LRP12: variants seen among roughly 807,000 people sequenced by gnomAD.
LRP12 encodes LDL receptor related protein 12.
A neutral mutation model predicts 66.0 loss-of-function variants in LRP12; 14 were observed. The ratio of observed to expected loss-of-function variants is 0.21; its 90% confidence interval spans 0.14 to 0.33. The LOEUF is 0.33. Ranked by LOEUF, LRP12 falls within the 10% of genes least tolerant of loss-of-function variation. The probability of loss-of-function intolerance (pLI) is 1.00; values close to 1 mark genes in which losing one functional copy is unlikely to be tolerated. For missense variants in LRP12, 889 were observed against 1,053.4 expected, an observed-to-expected ratio of 0.84 and a Z score of 2.16; for synonymous variants, 357 against 359.1, an observed-to-expected ratio of 0.99 and a Z score of 0.07.
At chr8:104,574,106 G>A (rs1374920061) in intron 1 of LRP12, among the ~76,000 whole-genome samples, 1 of 152,032 alleles carries the variant, frequency 6.6e-6, no homozygotes, top group African/African-American at 2.4e-5. Context: ...ATATAAATCT[G>A]ACCCTATGGT....
In LRP12 at chr8:104,583,056, A is replaced by G. The variant is rs1588513224; in HGVS notation, c.79+5763T>C. On this transcript the variant is annotated intron_variant, in intron 1 of 6. Coordinates refer to ENST00000276654, the MANE Select transcript of LRP12 (RefSeq NM_013437.5). ...CAACCTACACTCCTTTATCTCCACT[A>G]CTACTACCTTGGTCCAAGCTCCTGT... 4.6e-5 allele frequency among the ~76,000 whole-genome samples: 7 copies of G among 152,004 alleles called. No individual in the cohort carries two copies. In the South Asian group the frequency reaches 1.5e-3, roughly 32 times the overall value.
intron 2 of LRP12, among the ~76,000 whole-genome samples, chr8:104,526,364 G>A (rs1331607612): frequency 2.6e-5 from 4 of 151,692 alleles, no homozygotes; most frequent in Non-Finnish European, 4.4e-5. Context: ...AAAAGAGCCC[G>A]CATCGCCAAG....
Position 104,588,971 on chromosome 8 carries a change from C to CGCCGCCGCA in LRP12, c.-75_-74insTGCGGCGGC. The CGCCGCCGCA allele has an allele frequency of 2.1e-6, 1 of 476,176 alleles. No homozygotes were observed. Among genetic ancestry groups the CGCCGCCGCA allele is most frequent in the Non-Finnish European group, 3.1e-6 (1 of 318,272 alleles). 29.5% of individuals were successfully genotyped at this position (476,176 alleles called of 1,614,324 possible). ...AGAAGCTGGAGGTAGACGACGCCGA[C>CGCCGCCGCA]GCCGCCGCCGCCGCCGCCGCCGCCG... On this transcript the variant is annotated 5_prime_UTR_variant, in exon 1 of 7. Coordinates refer to ENST00000276654, the MANE Select transcript of LRP12 (RefSeq NM_013437.5).
chr8:104,571,631 C>CTA (rs1281955015), intron 1 of LRP12, among the ~76,000 whole-genome samples: 1 of 152,192 alleles, frequency 6.6e-6, no homozygotes, highest in Non-Finnish European at 1.5e-5. Context: ...CCATGCTGAA[C>CTA]TATGAGTCAA....
intron 2 of LRP12, among the ~76,000 whole-genome samples, chr8:104,514,095 C>T (rs1006692687): frequency 6.6e-6 from 1 of 152,134 alleles, no homozygotes; most frequent in Non-Finnish European, 1.5e-5. Flanking sequence ...TAAGTTAGGC[C>T]TCACAGAGAT....
At chr8:104,503,587 G>GT (rs1346700715) in intron 3 of LRP12, among the ~76,000 whole-genome samples, 3 of 151,916 alleles carry the variant, frequency 2.0e-5, no homozygotes, top group Non-Finnish European at 4.4e-5. Context: ...ATTTCTTGAT[G>GT]TTTTTTGGTT....
chr8:104,559,901 C>G (rs1811877147), intron 1 of LRP12, among the ~76,000 whole-genome samples: 1 of 152,088 alleles, frequency 6.6e-6, no homozygotes, highest in Admixed American at 6.5e-5. Context: ...TGTTGCTATA[C>G]TATGTACTTT....
chr8:104,572,236 C>T (rs1812090072), intron 1 of LRP12, among the ~76,000 whole-genome samples: 1 of 152,084 alleles, frequency 6.6e-6, no homozygotes, highest in African/African-American at 2.4e-5. Flanking sequence ...CAGTGGCTAT[C>T]ACAGATTATG....
At chr8:104,586,766 G>C (rs1812339245) in intron 1 of LRP12, among the ~76,000 whole-genome samples, 1 of 152,104 alleles carries the variant, frequency 6.6e-6, no homozygotes, top group South Asian at 2.1e-4. Flanking sequence ...GGATTTCTCA[G>C]TTCCAGGGTG....
intron 1 of LRP12, among the ~76,000 whole-genome samples, chr8:104,547,643 A>G (rs1174260660): frequency 1.6e-5 from 2 of 123,994 alleles, no homozygotes; most frequent in African/African-American, 6.4e-5. Flanking sequence ...AATATATATT[A>G]ATAATTAAAA....
intron 3 of LRP12, among the ~76,000 whole-genome samples, chr8:104,503,917 T>G (rs538568293): frequency 6.6e-6 from 1 of 152,298 alleles, no homozygotes; most frequent in Non-Finnish European, 1.5e-5. Context: ...ATAATTAACT[T>G]TGACATTAAA....
chr8:104,583,339 T>C (rs373365113), intron 1 of LRP12, among the ~76,000 whole-genome samples: 2 of 152,196 alleles, frequency 1.3e-5, no homozygotes, highest in Non-Finnish European at 2.9e-5. Context: ...GTGTTTTTAG[T>C]AATTTATCTG....
intron 1 of LRP12, among the ~76,000 whole-genome samples, chr8:104,547,806 T>C (rs1438561678): frequency 7.8e-6 from 1 of 128,202 alleles, no homozygotes; most frequent in East Asian, 2.2e-4. Context: ...ATATATTATA[T>C]ATAATTCTAT....
At chr8:104,547,600 A>T (rs1459167232) in intron 1 of LRP12, among the ~76,000 whole-genome samples, 1 of 118,776 alleles carries the variant, frequency 8.4e-6, no homozygotes, top group South Asian at 2.4e-4. Context: ...AATATATAAT[A>T]ATTATTAATA....
At chr8:104,520,642 T>C (rs1243682467) in intron 2 of LRP12, among the ~76,000 whole-genome samples, 2 of 152,052 alleles carry the variant, frequency 1.3e-5, no homozygotes, top group Non-Finnish European at 2.9e-5. Context: ...TATCATTTGC[T>C]TGGTTCTGGA....
intron 2 of LRP12, among the ~76,000 whole-genome samples, chr8:104,513,432 A>G (rs1449766994): frequency 6.6e-6 from 1 of 152,186 alleles, no homozygotes; most frequent in African/African-American, 2.4e-5. Flanking sequence ...TATTTCTGAT[A>G]GCTCAATGGG....
chr8:104,554,346 G>A (rs1348426958), intron 1 of LRP12, among the ~76,000 whole-genome samples: 1 of 152,060 alleles, frequency 6.6e-6, no homozygotes, highest in Non-Finnish European at 1.5e-5. Flanking sequence ...TCAGAGAAAG[G>A]TGAATACCAA....
intron 4 of LRP12, 128 bp from the exon 5 acceptor site, chr8:104,498,204 A>C: frequency 1.0e-6 from 1 of 958,466 alleles, no homozygotes; most frequent in Non-Finnish European, 1.5e-6. Flanking sequence ...AAGTTTTAAA[A>C]AACAGGTTGG....
At position 104,514,721 on chromosome 8, in the gene LRP12, C is replaced by A. The variant is rs534766355; in HGVS notation, c.137-5647G>T. On this transcript the variant is annotated intron_variant, in intron 2 of 6. Coordinates refer to ENST00000276654, the MANE Select transcript of LRP12 (RefSeq NM_013437.5). ...CAACAACAAAAGAAAAACAAAAAAA[C>A]CAAGTCTCAATTTCCTCACTTGTAA... is the stretch of plus-strand genomic sequence containing the variant. Among the ~76,000 whole-genome samples, 13 of 151,946 alleles carry A rather than the reference C, an allele frequency of 8.6e-5. No individual in the cohort carries two copies. In the East Asian group the frequency reaches 2.3e-3, roughly 27 times the overall value.
Sources: allele counts gnomAD v4.1 joint callset (sites outside exome capture counted in the v4.1 genomes callset), GRCh38; gene constraint gnomAD v4.1.1; transcripts MANE v1.5; gene names NCBI Gene and HGNC (gene_info 2026-07-23, HGNC 2026-07-21).